The following ZSWIM5 variants were observed in gnomAD, a reference collection of about 807,000 sequenced individuals.
ZSWIM5 encodes zinc finger SWIM domain-containing protein 5.
A neutral mutation model predicts 119.6 loss-of-function variants in ZSWIM5; 55 were observed. The ratio of observed to expected loss-of-function variants is 0.46; its 90% CI spans 0.37 to 0.58. ZSWIM5 has a LOEUF of 0.58. Ranked by LOEUF, ZSWIM5 falls within the 20% of genes least tolerant of loss-of-function variation. The pLI, the probability that ZSWIM5 is intolerant of heterozygous loss-of-function variation, is 0.00. For synonymous variants in ZSWIM5, 537 were observed against 606.9 expected (o/e 0.88, Z 1.69); for missense variants, 1,193 against 1,512.8 (o/e 0.79, Z 3.51).
At chr1:45,194,103 G>GT (rs1275236360) in intron 1 of ZSWIM5, among the ~76,000 whole-genome samples, 2 of 152,134 alleles carry the variant, frequency 1.3e-5, no homozygotes, top group African/African-American at 4.8e-5. Context: ...TAACATCAAT[G>GT]TATGTTGGTG....
At position 45,169,850 on chromosome 1, in the gene ZSWIM5, A is replaced by C. The variant is rs565929937; in HGVS notation, c.595+35906T>G. 1.4e-4 allele frequency among the ~76,000 whole-genome samples: 21 copies of C among 152,216 alleles called. 1 individual carries two copies. In the South Asian group the frequency reaches 4.1e-3, roughly 30 times the overall value. ...TTTCTTACATCACTTAATACACAGCATGCACTAAAAAAAGTATTAAAACCT... is the reference window on the plus strand; with the variant it reads ...TTTCTTACATCACTTAATACACAGCCTGCACTAAAAAAAGTATTAAAACCT... On this transcript the variant is annotated intron_variant, in intron 1 of 13. Transcript: ENST00000359600.
At chr1:45,052,986 G>C (rs1645098538) in intron 4 of ZSWIM5, among the ~76,000 whole-genome samples, 1 of 151,816 alleles carries the variant, frequency 6.6e-6, no homozygotes, top group African/African-American at 2.4e-5. Context: ...AGCCAGGTGT[G>C]TTGGTGCATG....
chr1:45,132,854 C>A (rs1430885065), intron 1 of ZSWIM5, among the ~76,000 whole-genome samples: 1 of 152,086 alleles, frequency 6.6e-6, no homozygotes, highest in East Asian at 1.9e-4. Flanking sequence ...TAAGTGAGAA[C>A]ATGTGGTGTT....
intron 8 of ZSWIM5, 98 bp from the exon 9 acceptor site, chr1:45,036,397 C>G: frequency 6.8e-7 from 1 of 1,480,176 alleles, no homozygotes; most frequent in Non-Finnish European, 9.0e-7. Context: ...CTCTGTTGTC[C>G]AGGCTGGAGT....
At chr1:45,132,314 C>G (rs1404357613) in intron 1 of ZSWIM5, among the ~76,000 whole-genome samples, 1 of 152,050 alleles carries the variant, frequency 6.6e-6, no homozygotes, top group Non-Finnish European at 1.5e-5. Context: ...AATTTTCTCC[C>G]TCATAAAATA....
At chr1:45,184,647 C>A (rs1646046007) in intron 1 of ZSWIM5, among the ~76,000 whole-genome samples, 2 of 151,838 alleles carry the variant, frequency 1.3e-5, no homozygotes, top group Non-Finnish European at 2.9e-5. Flanking sequence ...CTCCCATTCA[C>A]AATTGCTTCA....
intron 1 of ZSWIM5, among the ~76,000 whole-genome samples, chr1:45,182,906 C>T (rs1173118412): frequency 6.6e-6 from 1 of 151,690 alleles, no homozygotes; most frequent in Non-Finnish European, 1.5e-5. Context: ...ACCTAATAGA[C>T]ATCTACAGAA....
chr1:45,174,739 C>T (rs1018293567), intron 1 of ZSWIM5, among the ~76,000 whole-genome samples: 1 of 150,996 alleles, frequency 6.6e-6, no homozygotes, highest in African/African-American at 2.4e-5. Flanking sequence ...GATTCTGTCT[C>T]AAAAAAAAGA....
intron 1 of ZSWIM5, among the ~76,000 whole-genome samples, chr1:45,178,352 AGGT>A (rs1645993872): frequency 6.6e-6 from 1 of 152,072 alleles, no homozygotes; most frequent in African/African-American, 2.4e-5. Flanking sequence ...TGAACCTGGG[AGGT>A]GGAGGATGCA....
rs1336489666 is a variant in ZSWIM5 at position 45,079,064 on chromosome 1, T to A, written c.952+8817A>T. Among the ~76,000 whole-genome samples, 6 of 152,126 alleles carry A rather than the reference T, an allele frequency of 3.9e-5. No individual in the cohort carries two copies. The South Asian group carries it at 1.0e-3, about 26-fold the overall frequency. ...CCACAAAAGAAGTGAAAATGGCCGG[T>A]CCCTGCCTTAAATGATGACATTACC... On this transcript the variant is annotated intron_variant, in intron 2 of 13. Transcript: ENST00000359600.
Position 45,058,056 on chromosome 1 carries a change from T to C in ZSWIM5, c.1252+553A>G, listed in dbSNP as rs56740822. 2.3e-3 allele frequency among the ~76,000 whole-genome samples: 347 copies of C among 152,256 alleles called. 2 individuals are homozygous for C. The highest frequency in any genetic ancestry group is 8.1e-3 in the African/African-American group (338 of 41,554). The stretch of plus-strand genomic sequence containing the variant: ...GCCCAAGTTCATTTTTGATTTCTCA[T>C]TGGAAATGGTCAGTGGACATCTACT... On this transcript the variant is annotated intron_variant, in intron 4 of 13. Transcript: ENST00000359600.
At chr1:45,137,668 T>C (rs1645697819) in intron 1 of ZSWIM5, among the ~76,000 whole-genome samples, 1 of 152,140 alleles carries the variant, frequency 6.6e-6, no homozygotes, top group African/African-American at 2.4e-5. Flanking sequence ...GACAGGAACA[T>C]GCCTGGCATG....
chr1:45,032,742 C>T (rs1276824390), intron 11 of ZSWIM5, among the ~76,000 whole-genome samples: 2 of 151,822 alleles, frequency 1.3e-5, no homozygotes, highest in Non-Finnish European at 2.9e-5. Context: ...CCGCCTTGGC[C>T]TCCTAAAGTG....
intron 1 of ZSWIM5, among the ~76,000 whole-genome samples, chr1:45,154,319 G>T (rs532109939): frequency 6.1e-4 from 93 of 152,184 alleles, no homozygotes; most frequent in African/African-American, 2.2e-3. Flanking sequence ...GTACAAATTT[G>T]GAGGCACCAC....
intron 1 of ZSWIM5, among the ~76,000 whole-genome samples, chr1:45,121,149 C>CATGTTAG (rs1645589330): frequency 6.6e-6 from 1 of 152,188 alleles, no homozygotes; most frequent in Non-Finnish European, 1.5e-5. Context: ...GACAGGGTTT[C>CATGTTAG]ACCATGTTAG....
intron 1 of ZSWIM5, among the ~76,000 whole-genome samples, chr1:45,186,593 TTTTA>T (rs57251068): frequency 1.6e-4 from 24 of 150,774 alleles, no homozygotes; most frequent in East Asian, 5.8e-4. Flanking sequence ...AACAACTTGG[TTTTA>T]TTTATTTATT....
chr1:45,136,651 T>C (rs1645692088), intron 1 of ZSWIM5, among the ~76,000 whole-genome samples: 1 of 152,214 alleles, frequency 6.6e-6, no homozygotes, highest in African/African-American at 2.4e-5. Context: ...AGAAATAACC[T>C]GAGGCTCTGG....
In ZSWIM5 at chr1:45,036,168, G is replaced by A; in HGVS notation, c.2026C>T (p.Pro676Ser). The A allele has an allele frequency of 6.2e-7, 1 of 1,614,074 alleles. No individual in the cohort carries two copies. The highest frequency in any genetic ancestry group is 8.5e-7 in the Non-Finnish European group (1 of 1,180,010). Reference sequence around the variant, plus strand: ...TTGTCCTGTGCGTAGAGGCCTTCAGGCATTAACCTCTGTTGACCCAGGCCC... The same window carrying A: ...TTGTCCTGTGCGTAGAGGCCTTCAGACATTAACCTCTGTTGACCCAGGCCC... ...LMGLGQQRLM[P>S]EGLYAQDKVC... The change falls in exon 9 of 14, where the codon CCT (proline) becomes TCT (serine). Residue 676 changes from proline to serine, a missense_variant. Coordinates refer to ENST00000359600, the MANE Select transcript of ZSWIM5 (RefSeq NM_020883.2).
At chr1:45,184,111 T>G (rs1437931141) in intron 1 of ZSWIM5, among the ~76,000 whole-genome samples, 1 of 152,160 alleles carries the variant, frequency 6.6e-6, no homozygotes, top group Non-Finnish European at 1.5e-5. Flanking sequence ...AATCAATAAA[T>G]GTAATCCAGC....
Sources: gnomAD v4.1 joint callset for allele counts (sites outside exome capture counted in the v4.1 genomes callset) on GRCh38, gnomAD v4.1.1 for gene constraint, MANE v1.5 for transcripts, NCBI Gene and HGNC (gene_info 2026-07-23, HGNC 2026-07-21) for gene names.